FBXL2: variants seen among roughly 807,000 people sequenced by gnomAD.
FBXL2 encodes F-box and leucine rich repeat protein 2, also known as F-box/LRR-repeat protein 2.
In FBXL2, 38 loss-of-function variants were observed where a neutral mutation model predicts 69.2. The ratio of observed to expected loss-of-function variants is 0.55; its 90% CI spans 0.42 to 0.72. The LOEUF (loss-of-function observed/expected upper bound fraction) is 0.72. Among genes scored for constraint, FBXL2 ranks in the 30% least tolerant of loss-of-function variants. The pLI is 0.00. For missense variants in FBXL2, 354 were observed against 520.3 expected, an observed-to-expected ratio of 0.68 and a Z score of 3.11; for synonymous variants, 192 against 201.3, an observed-to-expected ratio of 0.95 and a Z score of 0.39.
intron 1 of FBXL2, among the ~76,000 whole-genome samples, chr3:33,281,080 A>G (rs1306531105): frequency 1.3e-5 from 2 of 152,156 alleles, no homozygotes; most frequent in Non-Finnish European, 2.9e-5. Context: ...TTTAAGTTCT[A>G]GGGTACATGT....
intron 9 of FBXL2, among the ~76,000 whole-genome samples, chr3:33,374,648 C>T (rs17805850): frequency 0.081 from 12,331 of 152,200 alleles, 555 homozygotes; most frequent in Admixed American, 0.098. Flanking sequence ...CCTTGACTTA[C>T]GTGTAGCATA....
chr3:33,385,123 C>T (rs2043336568), intron 14 of FBXL2, among the ~76,000 whole-genome samples: 1 of 152,134 alleles, frequency 6.6e-6, no homozygotes, highest in African/African-American at 2.4e-5. Flanking sequence ...GGTAAGAGAG[C>T]TTAACAGAAT....
At chr3:33,340,602 AG>A (rs1338671390) in intron 2 of FBXL2, among the ~76,000 whole-genome samples, 1 of 147,720 alleles carries the variant, frequency 6.8e-6, no homozygotes, top group Non-Finnish European at 1.5e-5. Flanking sequence ...AAAAAAAAGA[AG>A]GAAGTAGGCT....
At chr3:33,282,688 G>A (rs2034162752) in intron 1 of FBXL2, among the ~76,000 whole-genome samples, 1 of 152,192 alleles carries the variant, frequency 6.6e-6, no homozygotes, top group South Asian at 2.1e-4. Context: ...AGCATGGAAT[G>A]TTCTTCCATT....
At chr3:33,326,498 T>C (rs374168834) in intron 2 of FBXL2, among the ~76,000 whole-genome samples, 1 of 142,868 alleles carries the variant, frequency 7.0e-6, no homozygotes, top group Admixed American at 7.2e-5. Flanking sequence ...AGAGCGAGAC[T>C]CCGTCTCAAA....
chr3:33,396,198 T>C (rs758988240), intron 12 of FBXL2: 2 of 1,595,450 alleles, frequency 1.3e-6, no homozygotes, highest in Non-Finnish European at 1.7e-6. Context: ...CTTGCACTGC[T>C]TGCAGCTTGC....
the FBXL2 span, among the ~76,000 whole-genome samples, chr3:33,413,640 C>T: frequency 6.7e-6 from 1 of 149,024 alleles, no homozygotes; most frequent in African/African-American, 2.5e-5. Flanking sequence ...AAAAAGTGAA[C>T]TTAGGCCAGG....
downstream of FBXL2, among the ~76,000 whole-genome samples, chr3:33,404,768 T>C (rs1296598651): frequency 6.6e-6 from 1 of 152,236 alleles, no homozygotes; most frequent in Non-Finnish European, 1.5e-5. Context: ...AACTGACATA[T>C]ATTGAAATAA....
intron 2 of FBXL2, among the ~76,000 whole-genome samples, chr3:33,317,289 A>C (rs1162531302): frequency 5.3e-5 from 8 of 152,080 alleles, no homozygotes; most frequent in Non-Finnish European, 7.4e-5. Flanking sequence ...GTTGGTGATT[A>C]TTCTTTTCAC....
chr3:33,373,134 C>T lies in FBXL2; in HGVS notation c.333C>T (p.Leu111=), dbSNP rs753518203. 47 of 1,614,154 alleles carry T rather than the reference C, an allele frequency of 2.9e-5. 1 individual carries two copies. The East Asian group carries it at 5.1e-4, about 18-fold the overall frequency. Residue 111 remains leucine (L), a synonymous_variant, in exon 6 of 15, where the codon CTC becomes CTT. Coordinates refer to ENST00000484457, the MANE Select transcript of FBXL2 (RefSeq NM_012157.5). The part of the protein sequence containing the change: ...QNCRNIEHLN[L]NGCTKITDST... ...GCCGAAACATTGAACATTTGAACCT[C>T]AATGGATGCACAAAAATCACTGACA...
chr3:33,289,068 G>A (rs2034956527), intron 1 of FBXL2, among the ~76,000 whole-genome samples: 1 of 152,270 alleles, frequency 6.6e-6, no homozygotes, highest in East Asian at 1.9e-4. Flanking sequence ...GAAGAAAGCA[G>A]GAATTGGACT....
At chr3:33,384,264 A>T (rs1341973713) in intron 14 of FBXL2, 63 bp downstream of exon 14, 4 of 1,533,428 alleles carry the variant, frequency 2.6e-6, no homozygotes, top group Admixed American at 3.5e-5. Context: ...GAAAACATCA[A>T]GAATCAGACC....
At chr3:33,407,205 G>A (rs1320547498), downstream of FBXL2, among the ~76,000 whole-genome samples, 2 of 152,130 alleles carry the variant, frequency 1.3e-5, no homozygotes, top group Non-Finnish European at 2.9e-5. Context: ...AATACATGAG[G>A]AAGATGTGAA....
chr3:33,384,186 C>A lies in FBXL2; in HGVS notation c.1149C>A (p.Gly383=). The A allele has an allele frequency of 6.2e-7, 1 of 1,614,092 alleles. No homozygotes were observed. ...ACTGCCAGCAGGTTACCCGTGCAGGCATCAAGCGGATGCGGGTAGGTATGG... is the reference window on the plus strand; with the variant it reads ...ACTGCCAGCAGGTTACCCGTGCAGGAATCAAGCGGATGCGGGTAGGTATGG... The part of the protein sequence containing the change: ...LYDCQQVTRA[G]IKRMRAQLPH... Residue 383 remains glycine (G), a synonymous_variant, in exon 14 of 15, where the codon GGC becomes GGA. Coordinates refer to ENST00000484457, the MANE Select transcript of FBXL2 (RefSeq NM_012157.5).
rs1326037794 is a variant in FBXL2 at position 33,385,735 on chromosome 3, G to C, written c.*127G>C. On this transcript the variant is annotated 3_prime_UTR_variant, in exon 15 of 15. Transcript: ENST00000484457. ...TTGGGAAAGGCATTTACAGGTAAAAGACTTCTGTATGGATTGCAGTTACTC... is the reference window on the plus strand; with the variant it reads ...TTGGGAAAGGCATTTACAGGTAAAACACTTCTGTATGGATTGCAGTTACTC... 2 of 729,634 alleles carry C rather than the reference G, an allele frequency of 2.7e-6. No homozygotes were observed. Among genetic ancestry groups the C allele is most frequent in the Non-Finnish European group, 4.8e-6 (2 of 420,444 alleles). 45.2% of individuals were successfully genotyped at this position (729,634 alleles called of 1,614,324 possible). A position where few individuals can be genotyped will look rare whatever the true frequency, so the allele number is the denominator to read the frequency against.
chr3:33,330,502 A>C lies in FBXL2; in HGVS notation c.66-28465A>C, dbSNP rs570965170. ...AAAATAACTGGAAGAAAATAATTCA[A>C]ATGTTCCTAGCATAAAGAAAATATA... On this transcript the variant is annotated intron_variant, in intron 2 of 14. Transcript: ENST00000484457. 2.0e-5 allele frequency among the ~76,000 whole-genome samples: 3 copies of C among 152,320 alleles called. No homozygotes were observed. In the South Asian group the frequency reaches 6.2e-4, roughly 32 times the overall value.
At chr3:33,355,224 G>A (rs567400871) in intron 2 of FBXL2, among the ~76,000 whole-genome samples, 53 of 152,068 alleles carry the variant, frequency 3.5e-4, no homozygotes, top group African/African-American at 1.1e-3. Context: ...GCCACCACTC[G>A]CTGCCAAAAA....
the FBXL2 span, among the ~76,000 whole-genome samples, chr3:33,410,027 A>G: frequency 6.6e-6 from 1 of 152,144 alleles, no homozygotes; most frequent in Non-Finnish European, 1.5e-5. Flanking sequence ...CATTACCCCT[A>G]TTCTACCCAG....
chr3:33,323,366 T>C (rs1364885221), intron 2 of FBXL2, among the ~76,000 whole-genome samples: 1 of 152,156 alleles, frequency 6.6e-6, no homozygotes, highest in Admixed American at 6.6e-5. Context: ...AACTTGCAGG[T>C]TTGTTACATA....
Sources: allele counts gnomAD v4.1 joint callset (sites outside exome capture counted in the v4.1 genomes callset), GRCh38; gene constraint gnomAD v4.1.1; transcripts MANE v1.5; gene names NCBI Gene and HGNC (gene_info 2026-07-23, HGNC 2026-07-21).